CCDC60: variants seen among roughly 807,000 people sequenced by gnomAD.
The protein encoded by CCDC60 is coiled-coil domain containing 60.
In CCDC60, 54 loss-of-function variants were observed where a neutral mutation model predicts 63.5. The observed-to-expected ratio is 0.85, with a 90% CI of 0.68 to 1.07. CCDC60 has a LOEUF of 1.07. Ranked by LOEUF, CCDC60 falls within the 50% of genes least tolerant of loss-of-function variation. CCDC60 has a pLI of 0.00. For synonymous variants in CCDC60, 206 were observed against 238.8 expected (o/e 0.86, Z 1.27); for missense variants, 651 against 684.3 (o/e 0.95, Z 0.54).
At chr12:119,488,632 C>A (rs748023526) in intron 4 of CCDC60, 127 bp from the exon 5 acceptor site, 3 of 722,774 alleles carry the variant, frequency 4.2e-6, no homozygotes, top group Non-Finnish European at 7.2e-6. Context: ...AAAATACTTG[C>A]GCATGCCTGG....
chr12:119,399,880 C>A (rs1278112105), intron 1 of CCDC60, among the ~76,000 whole-genome samples: 1 of 152,186 alleles, frequency 6.6e-6, no homozygotes, highest in African/African-American at 2.4e-5. Flanking sequence ...CATACCCCTA[C>A]ACACCAAAAC....
chr12:119,387,652 C>A (rs1205930690), intron 1 of CCDC60, among the ~76,000 whole-genome samples: 1 of 151,958 alleles, frequency 6.6e-6, no homozygotes, highest in Non-Finnish European at 1.5e-5. Context: ...TTTTGTTTTT[C>A]ATAAATGGGA....
In CCDC60 at chr12:119,408,129, G is replaced by A. The variant is rs550418564; in HGVS notation, c.91-20554G>A. On this transcript the variant is annotated intron_variant, in intron 1 of 13. Coordinates refer to ENST00000327554, the MANE Select transcript of CCDC60 (RefSeq NM_178499.5). Reference sequence around the variant, plus strand: ...TAGTCAAAGAAGAGCTATTAATTTTGTGACTAGCCCCTAAAGAGAAAGTAA... The same window carrying A: ...TAGTCAAAGAAGAGCTATTAATTTTATGACTAGCCCCTAAAGAGAAAGTAA... Among the ~76,000 whole-genome samples the A allele has an allele frequency of 3.3e-5, 5 of 152,292 alleles. No individual in the cohort carries two copies. In the East Asian group the frequency reaches 9.7e-4, roughly 29 times the overall value.
At chr12:119,360,144 C>G (rs1306224124) in intron 1 of CCDC60, among the ~76,000 whole-genome samples, 1 of 149,544 alleles carries the variant, frequency 6.7e-6, no homozygotes, top group Non-Finnish European at 1.5e-5. Context: ...CCGGACGGGG[C>G]GGCTGGCCGG....
At chr12:119,390,496 T>A (rs1956137627) in intron 1 of CCDC60, among the ~76,000 whole-genome samples, 1 of 152,254 alleles carries the variant, frequency 6.6e-6, no homozygotes, top group African/African-American at 2.4e-5. Flanking sequence ...ATATATTTTT[T>A]AAATAGATGA....
chr12:119,348,937 C>G (rs998009681), intron 1 of CCDC60, among the ~76,000 whole-genome samples: 2 of 152,148 alleles, frequency 1.3e-5, no homozygotes, highest in African/African-American at 4.8e-5. Context: ...AGAAGTAACT[C>G]ATGTTATTGG....
intron 2 of CCDC60, among the ~76,000 whole-genome samples, chr12:119,468,890 A>G (rs1319227251): frequency 6.6e-6 from 1 of 151,916 alleles, no homozygotes; most frequent in Admixed American, 6.6e-5. Context: ...CTTGGGCAAC[A>G]CAGTGAGACC....
chr12:119,428,958 C>T, intron 2 of CCDC60, 196 bp downstream of exon 2: 1 of 414,886 alleles, frequency 2.4e-6, no homozygotes, highest in Admixed American at 5.1e-5. Context: ...AGGGAGTACC[C>T]ATGCCATGCC....
At chr12:119,403,757 T>C (rs1956436602) in intron 1 of CCDC60, among the ~76,000 whole-genome samples, 1 of 152,146 alleles carries the variant, frequency 6.6e-6, no homozygotes, top group Non-Finnish European at 1.5e-5. Flanking sequence ...TATCAAGTTC[T>C]CACTCACCTC....
chr12:119,500,458 C>A (rs1272943516), intron 6 of CCDC60, among the ~76,000 whole-genome samples: 1 of 152,072 alleles, frequency 6.6e-6, no homozygotes, highest in Non-Finnish European at 1.5e-5. Flanking sequence ...GGACTCACCT[C>A]ACTCTATCTT....
chr12:119,529,058 T>C (rs1264271569), intron 12 of CCDC60, among the ~76,000 whole-genome samples: 1 of 152,146 alleles, frequency 6.6e-6, no homozygotes, highest in African/African-American at 2.4e-5. Flanking sequence ...ATGAGGCATA[T>C]CAACCTGAAA....
intron 1 of CCDC60, among the ~76,000 whole-genome samples, chr12:119,377,238 G>A (rs890153952): frequency 9.0e-6 from 1 of 111,322 alleles, no homozygotes; most frequent in Non-Finnish European, 1.7e-5. Context: ...CTGGGCGACA[G>A]AGCAACACTC....
At chr12:119,338,172 C>G (rs577780274) in intron 1 of CCDC60, among the ~76,000 whole-genome samples, 2 of 152,148 alleles carry the variant, frequency 1.3e-5, no homozygotes, top group East Asian at 3.9e-4. Flanking sequence ...AAAGATCATG[C>G]CCTTAGGAAT....
intron 1 of CCDC60, among the ~76,000 whole-genome samples, chr12:119,394,228 G>A (rs1277176819): frequency 6.6e-6 from 1 of 152,164 alleles, no homozygotes; most frequent in Admixed American, 6.5e-5. Context: ...GAAGATAAAG[G>A]ACTTGTCCAA....
At chr12:119,468,895 G>T (rs898525020) in intron 2 of CCDC60, among the ~76,000 whole-genome samples, 5 of 151,608 alleles carry the variant, frequency 3.3e-5, no homozygotes, top group Non-Finnish European at 7.4e-5. Flanking sequence ...GCAACACAGT[G>T]AGACCCCCAT....
At chr12:119,528,968 T>C (rs1343619800) in intron 12 of CCDC60, among the ~76,000 whole-genome samples, 1 of 151,920 alleles carries the variant, frequency 6.6e-6, no homozygotes. Flanking sequence ...ATCCAACCCA[T>C]TGCGTTCTCC....
intron 5 of CCDC60, among the ~76,000 whole-genome samples, chr12:119,499,744 C>T (rs1951802812): frequency 6.6e-6 from 1 of 152,186 alleles, no homozygotes; most frequent in Admixed American, 6.5e-5. Context: ...AATGAACATG[C>T]TTTTCAATTC....
intron 1 of CCDC60, among the ~76,000 whole-genome samples, chr12:119,412,013 C>T (rs1956611971): frequency 6.6e-6 from 1 of 152,180 alleles, no homozygotes; most frequent in Non-Finnish European, 1.5e-5. Flanking sequence ...CAGATATTTT[C>T]TAACTCCTAA....
intron 3 of CCDC60, among the ~76,000 whole-genome samples, chr12:119,478,485 T>C (rs1213886013): frequency 1.3e-5 from 2 of 152,146 alleles, no homozygotes; most frequent in Non-Finnish European, 2.9e-5. Flanking sequence ...AAAATATACC[T>C]TGTCTGGCCC....
Sources: allele counts gnomAD v4.1 joint callset (sites outside exome capture counted in the v4.1 genomes callset), GRCh38; gene constraint gnomAD v4.1.1; transcripts MANE v1.5; gene names NCBI Gene and HGNC (gene_info 2026-07-23, HGNC 2026-07-21).